Variants in DEFB119 observed in about 807,000 individuals in gnomAD.
The protein encoded by DEFB119 is defensin beta 119, also known as beta-defensin 119.
In DEFB119, 3 loss-of-function variants were observed where a neutral mutation model predicts 2.5. The observed-to-expected ratio is 1.19, with a 90% CI of 0.54 to 3.07. The LOEUF (loss-of-function observed/expected upper bound fraction) is 3.07, where lower values mean the gene tolerates loss of function less well. Ranked by LOEUF, DEFB119 falls within the 30% of genes most tolerant of loss-of-function variation. DEFB119 has a pLI of 0.03. For synonymous variants in DEFB119, 29 were observed against 33.7 expected (o/e 0.86, Z 0.48); for missense variants, 113 against 101.1 (o/e 1.12, Z -0.50).
chr20:31,386,878 A>G (rs1600515395), intron 1 of DEFB119, among the ~76,000 whole-genome samples: 1 of 122,040 alleles, frequency 8.2e-6, no homozygotes, highest in Admixed American at 1.2e-4. Context: ...CAGTGGCGGG[A>G]TCTCGGCTCA....
intron 1 of DEFB119, among the ~76,000 whole-genome samples, chr20:31,387,348 C>T (rs1320875240): frequency 6.6e-6 from 1 of 152,136 alleles, no homozygotes; most frequent in East Asian, 1.9e-4. Flanking sequence ...AGGCACAACC[C>T]TAACATTTGC....
intron 1 of DEFB119, among the ~76,000 whole-genome samples, chr20:31,383,358 C>T (rs557280325): frequency 1.8e-4 from 27 of 151,282 alleles, no homozygotes; most frequent in African/African-American, 5.8e-4. Context: ...GCCTGGCCAA[C>T]ATGGTGAAAC....
intron 1 of DEFB119, among the ~76,000 whole-genome samples, chr20:31,386,391 G>A (rs1169893477): frequency 2.6e-5 from 4 of 152,294 alleles, no homozygotes; most frequent in Admixed American, 2.0e-4. Context: ...TGCCTCTGAA[G>A]TGGGCTGAAA....
Position 31,388,117 on chromosome 20 carries a change from A to G in DEFB119, c.61+2306T>C, listed in dbSNP as rs146250046. 4 of 985,408 alleles carry G rather than the reference A, an allele frequency of 4.1e-6. No individual in the cohort carries two copies. In the Admixed American group the frequency reaches 1.8e-4, roughly 45 times the overall value. The allele number at this position is 985,408 out of a possible 1,614,324, so 61.0% of individuals were successfully genotyped here. A position where few individuals can be genotyped will look rare whatever the true frequency, so the allele number is the denominator to read the frequency against. ...TAGGACTTGAGAATAAAGTCTGGGA[A>G]GACACCCAGATTCTCTAGATTCCCA... is the stretch of plus-strand genomic sequence containing the variant. On this transcript the variant is annotated intron_variant, in intron 1 of 1. Coordinates refer to ENST00000376321, the MANE Select transcript of DEFB119 (RefSeq NM_153289.4).
rs1171732474 is a variant in DEFB119, at chr20:31,382,964, A to G, written c.62-5525T>C. 2.0e-5 allele frequency among the ~76,000 whole-genome samples: 3 copies of G among 152,358 alleles called. No individual in the cohort carries two copies. In the East Asian group the frequency reaches 5.8e-4, roughly 29 times the overall value. Reference sequence around the variant, plus strand: ...TGACGCCAATCAAAACTCAGTTTGGAGAAAAAGTGATAACCTAGAAAAGGG... The same window carrying G: ...TGACGCCAATCAAAACTCAGTTTGGGGAAAAAGTGATAACCTAGAAAAGGG... On this transcript the variant is annotated intron_variant, in intron 1 of 1. Transcript: ENST00000376321.
At chr20:31,389,001 A>C in intron 1 of DEFB119, 1 of 1,613,056 alleles carries the variant, frequency 6.2e-7, no homozygotes, top group Non-Finnish European at 8.5e-7. Context: ...TGTGGACCCT[A>C]AGCAACCTGA....
At chr20:31,388,381 C>T (rs1322404676) in intron 1 of DEFB119, 13 of 918,426 alleles carry the variant, frequency 1.4e-5, no homozygotes, top group Non-Finnish European at 1.7e-5. Flanking sequence ...TCTACAATTA[C>T]TCTAATTTAC....
intron 1 of DEFB119, among the ~76,000 whole-genome samples, chr20:31,382,762 C>T (rs1300923196): frequency 3.3e-5 from 5 of 152,224 alleles, no homozygotes; most frequent in Admixed American, 1.3e-4. Flanking sequence ...AAATCGCATT[C>T]GTGCCCAGCA....
At chr20:31,385,796 G>A (rs1443548174) in intron 1 of DEFB119, among the ~76,000 whole-genome samples, 1 of 152,046 alleles carries the variant, frequency 6.6e-6, no homozygotes, top group Non-Finnish European at 1.5e-5. Context: ...CTTGAGCCTG[G>A]GAGGGTTAGG....
At chr20:31,382,181 G>T (rs183251254) in intron 1 of DEFB119, among the ~76,000 whole-genome samples, 3 of 152,148 alleles carry the variant, frequency 2.0e-5, no homozygotes, top group Non-Finnish European at 4.4e-5. Context: ...AGAAATCTGG[G>T]TGAAGAGTAC....
upstream of DEFB119, chr20:31,390,605 G>C: frequency 1.1e-6 from 1 of 909,634 alleles, no homozygotes; most frequent in Non-Finnish European, 1.7e-6. Context: ...AATTAGAACA[G>C]GAGGGGATTT....
chr20:31,389,774 T>C (rs1044080590), intron 1 of DEFB119, among the ~76,000 whole-genome samples: 1 of 152,022 alleles, frequency 6.6e-6, no homozygotes, highest in African/African-American at 2.4e-5. Context: ...ACTCCCAGCC[T>C]TACTCAACTC....
At chr20:31,380,061 C>G (rs2122290209) in intron 1 of DEFB119, among the ~76,000 whole-genome samples, 1 of 152,234 alleles carries the variant, frequency 6.6e-6, no homozygotes, top group East Asian at 1.9e-4. Flanking sequence ...TGTAATTTGT[C>G]TTTTCAACCA....
chr20:31,383,436 T>C (rs956085321), intron 1 of DEFB119, among the ~76,000 whole-genome samples: 1 of 149,956 alleles, frequency 6.7e-6, no homozygotes, highest in Non-Finnish European at 1.5e-5. Flanking sequence ...CCCAGCTACT[T>C]GGGAGGCTGA....
intron 1 of DEFB119, chr20:31,388,965 A>G: frequency 6.3e-7 from 1 of 1,589,412 alleles, no homozygotes; most frequent in South Asian, 1.1e-5. Flanking sequence ...CAGACACCAG[A>G]AACAAATTTG....
intron 1 of DEFB119, among the ~76,000 whole-genome samples, chr20:31,385,374 C>CAAAAAAAAAAAAAAAA (rs539118665): frequency 5.2e-5 from 6 of 115,780 alleles, no homozygotes; most frequent in South Asian, 3.0e-4. Flanking sequence ...TAACAAAAGA[C>CAAAAAAAAAAAAAAAA]AAAAAAAAAA....
chr20:31,377,621 G>A (rs865999593), intron 1 of DEFB119, among the ~76,000 whole-genome samples, 182 bp from the exon 2 acceptor site: 11 of 151,372 alleles, frequency 7.3e-5, no homozygotes, highest in South Asian at 4.2e-4. Context: ...TGCCAAGTTC[G>A]GTTTAAAACC....
chr20:31,390,635 A>G, upstream of DEFB119: 1 of 675,716 alleles, frequency 1.5e-6, no homozygotes, highest in Non-Finnish European at 2.5e-6. Flanking sequence ...CATCCAGGCC[A>G]AAGGACAGTG....
chr20:31,380,970 T>A (rs1986484799), intron 1 of DEFB119, among the ~76,000 whole-genome samples: 1 of 152,216 alleles, frequency 6.6e-6, no homozygotes. Context: ...CTACAAAAAA[T>A]CTTGCTGGGA....
Sources: gnomAD v4.1 joint callset for allele counts (sites outside exome capture counted in the v4.1 genomes callset) on GRCh38, gnomAD v4.1.1 for gene constraint, MANE v1.5 for transcripts, NCBI Gene and HGNC (gene_info 2026-07-23, HGNC 2026-07-21) for gene names.